The following DCC variants were observed in gnomAD, a reference collection of about 807,000 sequenced individuals.
DCC encodes DCC netrin 1 receptor, also known as netrin receptor DCC.
In DCC, 58 loss-of-function variants were observed where a neutral mutation model predicts 172.5. The observed-to-expected ratio is 0.34, with a 90% CI of 0.27 to 0.42. The LOEUF (loss-of-function observed/expected upper bound fraction) is 0.42, where lower values mean the gene tolerates loss of function less well. DCC is among the 10% of genes least tolerant of loss of function. The pLI, the probability that DCC is intolerant of heterozygous loss-of-function variation, is 1.00. For missense variants in DCC, 1,740 were observed against 1,791.0 expected (o/e 0.97, Z 0.51); for synonymous variants, 709 against 644.5 (o/e 1.10, Z -1.52).
chr18:52,666,538 C>T (rs72929139), intron 1 of DCC, among the ~76,000 whole-genome samples: 25,590 of 152,062 alleles, frequency 0.17, 2,539 homozygotes, highest in Non-Finnish European at 0.23. Flanking sequence ...AATATAAATG[C>T]TACAGAGAGA....
At chr18:52,639,827 A>G (rs1168572560) in intron 1 of DCC, among the ~76,000 whole-genome samples, 1 of 152,148 alleles carries the variant, frequency 6.6e-6, no homozygotes, top group African/African-American at 2.4e-5. Flanking sequence ...CTATTCCACA[A>G]GATAGAGAAA....
intron 27 of DCC, among the ~76,000 whole-genome samples, chr18:53,518,781 A>T (rs2046367603): frequency 6.6e-6 from 1 of 152,150 alleles, no homozygotes; most frequent in Admixed American, 6.6e-5. Context: ...TGCACCCTGG[A>T]TAGGGGAAAT....
rs568735822 is a variant in DCC, at chr18:53,488,194, G to A, written c.3898+1236G>A. 7.2e-5 allele frequency among the ~76,000 whole-genome samples: 11 copies of A among 152,234 alleles called. No individual in the cohort carries two copies. The South Asian group carries it at 2.3e-3, about 32-fold the overall frequency. Reference sequence around the variant, plus strand: ...GAGGTCAGGATTTGGAGACAAGCCTGGCCAATATGGTGAAACCCTGTCTCT... The same window carrying A: ...GAGGTCAGGATTTGGAGACAAGCCTAGCCAATATGGTGAAACCCTGTCTCT... On this transcript the variant is annotated intron_variant, in intron 26 of 28. Transcript: ENST00000442544.
At chr18:52,534,244 G>T (rs1405770660) in intron 1 of DCC, among the ~76,000 whole-genome samples, 1 of 151,990 alleles carries the variant, frequency 6.6e-6, no homozygotes, top group East Asian at 1.9e-4. Context: ...TCTGATAGAG[G>T]TTACATAACA....
chr18:52,637,472 A>C (rs1415877052), intron 1 of DCC, among the ~76,000 whole-genome samples: 1 of 152,164 alleles, frequency 6.6e-6, no homozygotes, highest in Non-Finnish European at 1.5e-5. Flanking sequence ...AAGAAAAAAA[A>C]ATAAAGAATT....
chr18:52,341,387 G>A (rs1415223801), intron 1 of DCC, among the ~76,000 whole-genome samples: 1 of 152,190 alleles, frequency 6.6e-6, no homozygotes, highest in East Asian at 1.9e-4. Context: ...ATTGAGAATA[G>A]GGAAAGGGAC....
intron 2 of DCC, among the ~76,000 whole-genome samples, chr18:52,815,670 G>A (rs2038282725): frequency 6.6e-6 from 1 of 152,056 alleles, no homozygotes. Context: ...TAACTTTCAT[G>A]TTTACAAAAC....
chr18:52,794,737 T>G (rs974942500), intron 2 of DCC, among the ~76,000 whole-genome samples: 2 of 152,150 alleles, frequency 1.3e-5, no homozygotes, highest in Admixed American at 1.3e-4. Context: ...TTTCAACTTT[T>G]TTTCCATTAA....
intron 2 of DCC, among the ~76,000 whole-genome samples, chr18:52,844,479 C>A (rs2038854938): frequency 6.6e-6 from 1 of 152,144 alleles, no homozygotes; most frequent in Admixed American, 6.5e-5. Context: ...AGTAATTGGC[C>A]TTGTAACTCC....
At chr18:52,355,057 G>T (rs1984298561) in intron 1 of DCC, among the ~76,000 whole-genome samples, 1 of 152,202 alleles carries the variant, frequency 6.6e-6, no homozygotes, top group African/African-American at 2.4e-5. Flanking sequence ...ACAAGATAAA[G>T]TAGGTGAATA....
rs542064400 is a variant in DCC at position 53,309,875 on chromosome 18, T to C, written c.2053+4156T>C. On this transcript the variant is annotated intron_variant, in intron 13 of 28. Transcript: ENST00000442544. The stretch of plus-strand genomic sequence containing the variant: ...GGAATGCAAACAAAATATGAGCAGT[T>C]ATATGTGCGACTATGCCTGAGATTT... Among the ~76,000 whole-genome samples the C allele has an allele frequency of 2.0e-5, 3 of 150,816 alleles. No homozygotes were observed. The East Asian group carries it at 5.8e-4, about 29-fold the overall frequency.
intron 5 of DCC, among the ~76,000 whole-genome samples, chr18:52,952,916 T>G (rs1198190841): frequency 1.4e-5 from 2 of 143,426 alleles, no homozygotes; most frequent in African/African-American, 5.2e-5. Context: ...GAGAATTGAT[T>G]GATCCCAGGA....
chr18:53,030,704 T>G (rs1045967304), intron 5 of DCC, among the ~76,000 whole-genome samples: 2 of 152,128 alleles, frequency 1.3e-5, no homozygotes, highest in African/African-American at 4.8e-5. Flanking sequence ...TGATTGAAAT[T>G]TTGGGCATCA....
chr18:53,432,272 T>C (rs1368355413), intron 21 of DCC, among the ~76,000 whole-genome samples: 6 of 152,148 alleles, frequency 3.9e-5, no homozygotes, highest in Admixed American at 3.3e-4. Flanking sequence ...TAACCATAAA[T>C]AGGCCTGCAT....
At position 52,375,288 on chromosome 18, in the gene DCC, C is replaced by A. The variant is rs543828479; in HGVS notation, c.91+34410C>A. Among the ~76,000 whole-genome samples the A allele has an allele frequency of 2.6e-5, 4 of 151,898 alleles. 1 individual carries two copies. Among genetic ancestry groups the A allele is most frequent in the East Asian group, 3.9e-4 (2 of 5,188 alleles). Reference sequence around the variant, plus strand: ...AGATGAGGGCAAAAGTCTGAGTGGACGTGAACTTAAGAAAAGTGAAACTAT... The same window carrying A: ...AGATGAGGGCAAAAGTCTGAGTGGAAGTGAACTTAAGAAAAGTGAAACTAT... On this transcript the variant is annotated intron_variant, in intron 1 of 28. Transcript: ENST00000442544.
At chr18:52,427,496 A>G (rs1145240) in intron 1 of DCC, among the ~76,000 whole-genome samples, 49,789 of 151,846 alleles carry the variant, frequency 0.33, 9,033 homozygotes, top group East Asian at 0.69. Flanking sequence ...AGGTTTGCAC[A>G]GTGGAGGGTC....
chr18:53,105,025 G>A (rs2043224675), intron 7 of DCC, among the ~76,000 whole-genome samples: 1 of 151,932 alleles, frequency 6.6e-6, no homozygotes, highest in Non-Finnish European at 1.5e-5. Context: ...GCATTTAATG[G>A]GTTGGCAATC....
rs1488624976 is a variant in DCC, at chr18:52,600,826, A to G, written c.92-151228A>G. On this transcript the variant is annotated intron_variant, in intron 1 of 28. Coordinates refer to ENST00000442544, the MANE Select transcript of DCC (RefSeq NM_005215.4). ...ACTGTGTTCATGTTAGGCTTCTGCC[A>G]CTTACTAACAATAGCTTGAATAACA... Among the ~76,000 whole-genome samples the G allele has an allele frequency of 5.3e-5, 8 of 152,278 alleles. No homozygotes were observed. The South Asian group carries it at 1.7e-3, about 32-fold the overall frequency.
chr18:52,518,337 C>A (rs577594707), intron 1 of DCC, among the ~76,000 whole-genome samples: 4 of 152,222 alleles, frequency 2.6e-5, no homozygotes, highest in South Asian at 2.1e-4. Flanking sequence ...AAAGGTGGAA[C>A]CCAGAGTTTG....
Sources: allele counts gnomAD v4.1 joint callset (sites outside exome capture counted in the v4.1 genomes callset), GRCh38; gene constraint gnomAD v4.1.1; transcripts MANE v1.5; gene names NCBI Gene and HGNC (gene_info 2026-07-23, HGNC 2026-07-21).